TBC1D15: variants seen among roughly 807,000 people sequenced by gnomAD.
The protein encoded by TBC1D15 is TBC1 domain family member 15, also known as GAP for RAB7.
Under a neutral mutation model 95.4 loss-of-function variants are expected in TBC1D15, and 39 were observed. The ratio of observed to expected loss-of-function variants is 0.41; its 90% CI spans 0.32 to 0.53. TBC1D15 has a LOEUF of 0.53. TBC1D15 is among the 20% of genes least tolerant of loss of function. TBC1D15 has a pLI of 0.29. For missense variants in TBC1D15, 733 were observed against 794.3 expected (o/e 0.92, Z 0.93); for synonymous variants, 258 against 261.3 (o/e 0.99, Z 0.12).
At chr12:71,875,399 A>G (rs184756409) in intron 3 of TBC1D15, among the ~76,000 whole-genome samples, 74 of 151,508 alleles carry the variant, frequency 4.9e-4, no homozygotes, top group African/African-American at 1.6e-3. Context: ...AAGTTTATCT[A>G]TTTTTTTTCT....
At chr12:71,885,544 C>G (rs1016179737) in intron 5 of TBC1D15, among the ~76,000 whole-genome samples, 1 of 152,178 alleles carries the variant, frequency 6.6e-6, no homozygotes, top group African/African-American at 2.4e-5. Flanking sequence ...TTTTGGGTAT[C>G]TGTTACATCC....
intron 11 of TBC1D15, among the ~76,000 whole-genome samples, chr12:71,909,927 C>T (rs960668176): frequency 1.1e-4 from 16 of 152,158 alleles, no homozygotes; most frequent in Admixed American, 1.0e-3. Flanking sequence ...CCACCCCCTA[C>T]AACCCATGAC....
chr12:71,868,271 AGTCTCGCTCT>A (rs1195249173), intron 1 of TBC1D15, among the ~76,000 whole-genome samples: 3 of 132,042 alleles, frequency 2.3e-5, no homozygotes, highest in Non-Finnish European at 4.7e-5. Flanking sequence ...CTCGAGACGG[AGTCTCGCTCT>A]GTCTCCCAGG....
chr12:71,866,865 C>T (rs73351248), intron 1 of TBC1D15, among the ~76,000 whole-genome samples: 4,188 of 152,258 alleles, frequency 0.028, 195 homozygotes, highest in African/African-American at 0.094. Context: ...CTTGCTGACA[C>T]CAGTCTCTGG....
Position 71,908,618 on chromosome 12 carries a change from A to G in TBC1D15, c.1300+1480A>G, listed in dbSNP as rs552220550. Among the ~76,000 whole-genome samples the G allele has an allele frequency of 3.3e-5, 5 of 152,320 alleles. No individual in the cohort carries two copies. The East Asian group carries it at 5.8e-4, about 18-fold the overall frequency. On this transcript the variant is annotated intron_variant, in intron 11 of 16. Coordinates refer to ENST00000485960, the MANE Select transcript of TBC1D15 (RefSeq NM_001146213.3). Reference sequence around the variant, plus strand: ...CAGCCTCTTTGGTGACAGTAAGTCAAAAGTTGCAGAGTTTTCTTTAAAATT... The same window carrying G: ...CAGCCTCTTTGGTGACAGTAAGTCAGAAGTTGCAGAGTTTTCTTTAAAATT...
rs1426854409 is a variant in TBC1D15, at chr12:71,923,126, C to G, written c.1947C>G (p.Leu649=). 1.9e-6 allele frequency: 3 copies of G among 1,614,220 alleles called. No individual in the cohort carries two copies. The highest frequency in any genetic ancestry group is 2.2e-5 in the East Asian group (1 of 44,878). Residue 649 remains leucine (L), a synonymous_variant, in exon 17 of 17, where the codon CTC becomes CTG. Coordinates refer to ENST00000485960, the MANE Select transcript of TBC1D15 (RefSeq NM_001146213.3). Reference sequence around the variant, plus strand: ...TTCAAAGTAATGCCTTGCCTACACTCTCTGCCAGTGGAGCCAGAAATGACA... The same window carrying G: ...TTCAAAGTAATGCCTTGCCTACACTGTCTGCCAGTGGAGCCAGAAATGACA... The part of the protein sequence containing the change: ...SAFQSNALPT[L]SASGARNDSP...
At chr12:71,845,926 AG>A (rs1270134870) in intron 1 of TBC1D15, among the ~76,000 whole-genome samples, 1 of 152,184 alleles carries the variant, frequency 6.6e-6, no homozygotes, top group Non-Finnish European at 1.5e-5. Context: ...GTAAAAATTC[AG>A]TATTAAGTGT....
At chr12:71,922,946 G>A (rs974913975) in intron 16 of TBC1D15, 37 bp from the exon 17 acceptor site, 1 of 1,597,450 alleles carries the variant, frequency 6.3e-7, no homozygotes, top group East Asian at 2.2e-5. Context: ...TTCCTCTGTA[G>A]TGAAATATGG....
intron 14 of TBC1D15, 71 bp downstream of exon 14, chr12:71,918,619 A>C (rs1868260715): frequency 9.8e-7 from 1 of 1,019,400 alleles, no homozygotes; most frequent in Admixed American, 2.5e-5. Context: ...GTAGAGTGTA[A>C]ATGAATTATG....
At chr12:71,882,484 A>G (rs1895404734) in intron 4 of TBC1D15, among the ~76,000 whole-genome samples, 1 of 152,186 alleles carries the variant, frequency 6.6e-6, no homozygotes, top group Non-Finnish European at 1.5e-5. Context: ...TAGTATTCTC[A>G]TGTTAGTGTG....
chr12:71,873,657 G>A (rs1893163198), intron 3 of TBC1D15, among the ~76,000 whole-genome samples: 2 of 152,148 alleles, frequency 1.3e-5, no homozygotes, highest in African/African-American at 4.8e-5. Flanking sequence ...CTTTTTCAGA[G>A]CAGCTGCATC....
At chr12:71,868,946 A>G (rs1892073597) in intron 1 of TBC1D15, 1 of 152,210 alleles carries the variant, frequency 6.6e-6, no homozygotes, top group African/African-American at 2.4e-5. Flanking sequence ...CATTTGTCAC[A>G]AAAACTTGAG....
In TBC1D15 at chr12:71,897,840, T is replaced by C; in HGVS notation, c.1089-7T>C. On this transcript the variant is annotated splice_region_variant and splice_polypyrimidine_tract_variant and intron_variant, in intron 9 of 16. Transcript: ENST00000485960. ...AGCTTTCTTTGATGTCAAATTGTTTTCTATAGTGATGAATACTTCAGAATG... is the reference window on the plus strand; with the variant it reads ...AGCTTTCTTTGATGTCAAATTGTTTCCTATAGTGATGAATACTTCAGAATG... 6.2e-7 allele frequency: 1 copy of C among 1,607,400 alleles called. No individual in the cohort carries two copies. Among genetic ancestry groups the C allele is most frequent in the African/African-American group, 1.3e-5 (1 of 74,770 alleles).
intron 9 of TBC1D15, chr12:71,897,189 C>G (rs1898361803): frequency 6.4e-6 from 1 of 155,178 alleles, no homozygotes; most frequent in African/African-American, 2.4e-5. Context: ...AGTTACTTTT[C>G]TGATACTCTT....
intron 11 of TBC1D15, chr12:71,913,598 G>T: frequency 2.4e-6 from 1 of 412,524 alleles, no homozygotes; most frequent in Non-Finnish European, 4.3e-6. Context: ...CGTACTGGAA[G>T]CTATATATTG....
intron 1 of TBC1D15, among the ~76,000 whole-genome samples, chr12:71,843,193 A>G (rs1332803922): frequency 1.3e-5 from 2 of 152,138 alleles, no homozygotes; most frequent in African/African-American, 4.8e-5. Flanking sequence ...AGGCAGGAGA[A>G]TCGCTTGAAA....
rs113696966 is a variant in TBC1D15 at position 71,859,672 on chromosome 12, A to G, written c.31-12398A>G. Among the ~76,000 whole-genome samples, 383 of 151,556 alleles carry G rather than the reference A, an allele frequency of 2.5e-3. 1 individual carries two copies. Among genetic ancestry groups the G allele is most frequent in the African/African-American group, 8.8e-3 (363 of 41,028 alleles). On this transcript the variant is annotated intron_variant, in intron 1 of 16. Transcript: ENST00000485960. The stretch of plus-strand genomic sequence containing the variant: ...GCCCGGGCTGGAGTGTAGTGGCGTG[A>G]TCTCAACTCACTGCACCCTCTGCTT...
intron 4 of TBC1D15, among the ~76,000 whole-genome samples, chr12:71,881,014 T>G (rs760630758): frequency 6.6e-6 from 1 of 152,232 alleles, no homozygotes; most frequent in Non-Finnish European, 1.5e-5. Context: ...CATGGCTCAT[T>G]GCAGTTTTCC....
At chr12:71,902,160 C>T (rs1235443158) in intron 10 of TBC1D15, among the ~76,000 whole-genome samples, 1 of 152,152 alleles carries the variant, frequency 6.6e-6, no homozygotes, top group Non-Finnish European at 1.5e-5. Context: ...GGCCGTACTG[C>T]CCAAAGCTAT....
Sources: allele counts gnomAD v4.1 joint callset (sites outside exome capture counted in the v4.1 genomes callset), GRCh38; gene constraint gnomAD v4.1.1; transcripts MANE v1.5; gene names NCBI Gene and HGNC (gene_info 2026-07-23, HGNC 2026-07-21).